Variants in LDLRAD4 observed in about 807,000 individuals in gnomAD.
LDLRAD4 encodes low density lipoprotein receptor class A domain containing 4, also known as low-density lipoprotein receptor class A domain-containing protein 4.
In LDLRAD4, 5 loss-of-function variants were observed where a neutral mutation model predicts 17.0. That is an observed-to-expected ratio of 0.29 (90% confidence interval 0.15 to 0.62). The LOEUF (loss-of-function observed/expected upper bound fraction) is 0.62. LDLRAD4 is among the 20% of genes least tolerant of loss of function. LDLRAD4 has a pLI of 0.84. For synonymous variants in LDLRAD4, 168 were observed against 171.8 expected, an observed-to-expected ratio of 0.98 and a Z score of 0.17; for missense variants, 340 against 424.7, an observed-to-expected ratio of 0.80 and a Z score of 1.75.
At chr18:13,534,389 C>T (rs2094172424) in intron 3 of LDLRAD4, among the ~76,000 whole-genome samples, 2 of 152,200 alleles carry the variant, frequency 1.3e-5, no homozygotes, top group South Asian at 2.1e-4. Flanking sequence ...CTGTGTTTCC[C>T]CCATAAACAC....
chr18:13,620,606 C>T (rs1292008264), intron 3 of LDLRAD4, among the ~76,000 whole-genome samples: 1 of 152,194 alleles, frequency 6.6e-6, no homozygotes, highest in Non-Finnish European at 1.5e-5. Flanking sequence ...TTTAAGGAAT[C>T]TTTGGGGTGG....
intron 1 of LDLRAD4, among the ~76,000 whole-genome samples, chr18:13,268,640 T>C (rs1287189936): frequency 2.0e-5 from 3 of 152,214 alleles, no homozygotes; most frequent in Non-Finnish European, 4.4e-5. Context: ...ATGGGCAGAG[T>C]AAAACCCTGA....
chr18:13,319,293 G>T (rs1346636576), intron 1 of LDLRAD4, among the ~76,000 whole-genome samples: 1 of 152,208 alleles, frequency 6.6e-6, no homozygotes, highest in Non-Finnish European at 1.5e-5. Flanking sequence ...CAGTTCACGG[G>T]CGAGTAACAG....
rs1490207115 is a variant in LDLRAD4 at position 13,300,307 on chromosome 18, G to C, written c.-383+22119G>C. ...CCTGCCCACCCCGCGCCTGTGCTCT[G>C]CCTCAGCCACAAGGCCACCTCACCA... On this transcript the variant is annotated intron_variant, in intron 1 of 5. Transcript: ENST00000359446. The surrounding 1 kb of genome is among the most constrained non-coding windows in gnomAD (Gnocchi z 4.2). Among the ~76,000 whole-genome samples, 2 of 152,238 alleles carry C rather than the reference G, an allele frequency of 1.3e-5. No individual in the cohort carries two copies. The highest frequency in any genetic ancestry group is 2.9e-5 in the Non-Finnish European group (2 of 68,042).
At chr18:13,366,094 G>A (rs2084036565) in intron 1 of LDLRAD4, 1 of 150,772 alleles carries the variant, frequency 6.6e-6, no homozygotes, top group African/African-American at 2.4e-5. Context: ...TTTTTAAAGA[G>A]ACAGGGTCTC....
intron 3 of LDLRAD4, among the ~76,000 whole-genome samples, chr18:13,594,502 C>CT (rs1205914694): frequency 6.6e-6 from 1 of 151,666 alleles, no homozygotes; most frequent in Non-Finnish European, 1.5e-5. Flanking sequence ...GCCATCCCTA[C>CT]TAAAAATATA....
chr18:13,371,689 C>G (rs191627443), intron 1 of LDLRAD4, among the ~76,000 whole-genome samples: 3 of 151,574 alleles, frequency 2.0e-5, no homozygotes, highest in East Asian at 3.9e-4. Flanking sequence ...CGCCTGAACC[C>G]GAGAGGCGGA....
At chr18:13,546,090 G>T (rs750103862) in intron 3 of LDLRAD4, among the ~76,000 whole-genome samples, 1 of 152,198 alleles carries the variant, frequency 6.6e-6, no homozygotes, top group East Asian at 1.9e-4. Flanking sequence ...TAGGGCAGAT[G>T]GTTTAGCCCC....
chr18:13,576,689 G>A (rs1320858564), intron 3 of LDLRAD4, among the ~76,000 whole-genome samples: 1 of 152,200 alleles, frequency 6.6e-6, no homozygotes, highest in East Asian at 1.9e-4. Flanking sequence ...GCTCTGCTGG[G>A]CTCTCTGAGC....
chr18:13,356,680 G>A (rs1485313148), intron 1 of LDLRAD4, among the ~76,000 whole-genome samples: 1 of 152,110 alleles, frequency 6.6e-6, no homozygotes, highest in Non-Finnish European at 1.5e-5. Flanking sequence ...GCCGCCCCAG[G>A]AATCACCTCT....
chr18:13,428,576 T>C (rs1205844229), intron 2 of LDLRAD4, among the ~76,000 whole-genome samples: 5 of 152,146 alleles, frequency 3.3e-5, no homozygotes, highest in Non-Finnish European at 5.9e-5. Flanking sequence ...TGCTCTCTTA[T>C]GAGTAAACCG....
intron 3 of LDLRAD4, among the ~76,000 whole-genome samples, chr18:13,569,285 C>T (rs1377668812): frequency 3.2e-5 from 3 of 93,350 alleles, no homozygotes; most frequent in Admixed American, 2.4e-4. Context: ...CTCAGGGGCT[C>T]AGACTCTGAA....
intron 3 of LDLRAD4, among the ~76,000 whole-genome samples, chr18:13,572,397 T>C (rs1311145196): frequency 6.6e-6 from 1 of 152,224 alleles, no homozygotes. Flanking sequence ...TCGGAGTGCC[T>C]GTGATGTGCT....
At chr18:13,609,111 G>T (rs903499347) in intron 3 of LDLRAD4, among the ~76,000 whole-genome samples, 1 of 152,206 alleles carries the variant, frequency 6.6e-6, no homozygotes, top group Non-Finnish European at 1.5e-5. Context: ...AGAGAGTGCC[G>T]AATGCAAATG....
At chr18:13,321,046 T>C (rs1353632289) in intron 1 of LDLRAD4, among the ~76,000 whole-genome samples, 5 of 152,058 alleles carry the variant, frequency 3.3e-5, no homozygotes, top group African/African-American at 4.8e-5. Context: ...TGGAGATACT[T>C]GGTTTTGCAG....
intron 3 of LDLRAD4, among the ~76,000 whole-genome samples, chr18:13,446,290 G>C (rs1314617582): frequency 6.6e-6 from 1 of 152,204 alleles, no homozygotes; most frequent in East Asian, 1.9e-4. Flanking sequence ...GGTTTTGTTT[G>C]TCTTTGGAGG....
chr18:13,550,051 C>T (rs1380142359), intron 3 of LDLRAD4, among the ~76,000 whole-genome samples: 1 of 152,216 alleles, frequency 6.6e-6, no homozygotes, highest in Non-Finnish European at 1.5e-5. Context: ...TTTCTTGGAG[C>T]ATTGGCCACG....
chr18:13,583,548 A>G (rs1406073235), intron 3 of LDLRAD4, among the ~76,000 whole-genome samples: 6 of 152,348 alleles, frequency 3.9e-5, no homozygotes, highest in South Asian at 2.1e-4. Flanking sequence ...AAAGAAAGAA[A>G]CGAGTTTGGC....
At position 13,287,001 on chromosome 18, in the gene LDLRAD4, G is replaced by A. The variant is rs116217406; in HGVS notation, c.-383+8813G>A. Among the ~76,000 whole-genome samples the A allele has an allele frequency of 7.9e-3, 1,205 of 152,264 alleles. 9 individuals are homozygous for A. The highest frequency in any genetic ancestry group is 0.028 in the African/African-American group (1,145 of 41,546). ...CAGCCTAGGAGGTGGCGCTCACTCC[G>A]AGTGGAGAGCCTGGACCAGCCCGTG... On this transcript the variant is annotated intron_variant, in intron 1 of 5. Coordinates refer to ENST00000359446, the Ensembl canonical transcript of LDLRAD4.
Sources: allele counts gnomAD v4.1 joint callset (sites outside exome capture counted in the v4.1 genomes callset), GRCh38; gene constraint gnomAD v4.1.1; non-coding constraint Gnocchi (gnomAD v3.1); transcripts MANE v1.5; gene names NCBI Gene and HGNC (gene_info 2026-07-23, HGNC 2026-07-21).